CC2D2A: variants seen among roughly 807,000 people sequenced by gnomAD.
CC2D2A encodes the protein coiled-coil and C2 domain containing 2A.
A neutral mutation model predicts 212.9 loss-of-function variants in CC2D2A; 155 were observed. The observed-to-expected ratio is 0.73, with a 90% CI of 0.64 to 0.83. The LOEUF is 0.83. Among genes scored for constraint, CC2D2A ranks in the 40% least tolerant of loss-of-function variants. CC2D2A has a pLI of 0.00. For missense variants in CC2D2A, 1,856 were observed against 1,956.2 expected (o/e 0.95, Z 0.97); for synonymous variants, 667 against 686.5 (o/e 0.97, Z 0.44).
chr4:15,594,632 C>A (rs1721238468), intron 33 of CC2D2A, among the ~76,000 whole-genome samples: 1 of 152,140 alleles, frequency 6.6e-6, no homozygotes, highest in Non-Finnish European at 1.5e-5. Flanking sequence ...TCCCAGTCTA[C>A]TGGCCAAAAG....
chr4:15,599,333 A>G (rs1411609739), intron 35 of CC2D2A, among the ~76,000 whole-genome samples, 196 bp from the exon 36 acceptor site: 1 of 152,134 alleles, frequency 6.6e-6, no homozygotes, highest in Non-Finnish European at 1.5e-5. Flanking sequence ...TACAACCCTT[A>G]AGGACAGGAC....
intron 6 of CC2D2A, 67 bp from the exon 7 acceptor site, chr4:15,510,072 T>C: frequency 1.6e-6 from 2 of 1,236,262 alleles, no homozygotes; most frequent in South Asian, 1.3e-5. Context: ...GGGTTAACCT[T>C]CATTTTAGAA....
At chr4:15,513,755 C>T (rs1716703344) in intron 8 of CC2D2A, among the ~76,000 whole-genome samples, 3 of 152,246 alleles carry the variant, frequency 2.0e-5, no homozygotes, top group Admixed American at 2.0e-4. Flanking sequence ...AGATTACACA[C>T]TGCCATCTGG....
intron 14 of CC2D2A, among the ~76,000 whole-genome samples, chr4:15,533,738 G>A (rs957183550): frequency 1.4e-4 from 21 of 152,270 alleles, no homozygotes; most frequent in African/African-American, 4.8e-4. Context: ...GCTGTAGTTA[G>A]ATTTCTTTGC....
At position 15,553,289 on chromosome 4, in the gene CC2D2A, A is replaced by C; in HGVS notation, c.2470A>C (p.Asn824His). ...TTTAATTCCTCCATTGTCACAGCAG[A>C]ACATCGGATTTCGGAGGTAATACAT... ...IPLIPPLSQQ[N>H]IGFRSALKKA... is the part of the protein sequence containing the mutation. The change falls in exon 19 of 37, where the codon AAC becomes CAC. Residue 824 changes from asparagine to histidine, a missense_variant. Physicochemically the swap from Asn to His is moderately conservative, Grantham distance 68. Transcript: ENST00000424120. 1 of 1,612,970 alleles carries C rather than the reference A, an allele frequency of 6.2e-7. No individual in the cohort carries two copies. The highest frequency in any genetic ancestry group is 8.5e-7 in the Non-Finnish European group (1 of 1,179,508).
At position 15,498,461 on chromosome 4, in the gene CC2D2A, C is replaced by T. The variant is rs575731815; in HGVS notation, c.248-3968C>T. Among the ~76,000 whole-genome samples, 11 of 152,168 alleles carry T rather than the reference C, an allele frequency of 7.2e-5. 1 individual carries two copies. Among genetic ancestry groups the T allele is most frequent in the East Asian group, 1.9e-4 (1 of 5,176 alleles). On this transcript the variant is annotated intron_variant, in intron 4 of 36. Transcript: ENST00000424120. ...GTGTCAAAGGGCCATTTTCTGAATA[C>T]GCCTCTTTTTGTAAATGTGAAATTA...
chr4:15,527,470 T>A lies in CC2D2A; in HGVS notation c.1173T>A (p.Ser391Arg). ...YKKAVKYVHS[S>R]QHVIRSGDPP... is the part of the protein sequence containing the mutation. Reference sequence around the variant, plus strand: ...AGGCTGTAAAATACGTTCACAGTAGTCAGCATGTGATCAGATCTGGAGACC... The same window carrying A: ...AGGCTGTAAAATACGTTCACAGTAGACAGCATGTGATCAGATCTGGAGACC... The change falls in exon 12 of 37, where the codon AGT becomes AGA. Residue 391 changes from serine to arginine, a missense_variant. Coordinates refer to ENST00000424120, the MANE Select transcript of CC2D2A (RefSeq NM_001378615.1). The A allele has an allele frequency of 6.2e-7, 1 of 1,613,436 alleles. No homozygotes were observed. The highest frequency in any genetic ancestry group is 8.5e-7 in the Non-Finnish European group (1 of 1,179,594).
At chr4:15,563,299 C>A in intron 23 of CC2D2A, 56 bp from the exon 24 acceptor site, 1 of 1,503,196 alleles carries the variant, frequency 6.7e-7, no homozygotes, top group South Asian at 1.3e-5. Flanking sequence ...AGTCGTCTCA[C>A]AATTTTGCAG....
chr4:15,596,291 G>A (rs1452604030), intron 34 of CC2D2A, 84 bp downstream of exon 34: 2 of 1,270,678 alleles, frequency 1.6e-6, no homozygotes, highest in Non-Finnish European at 2.1e-6. Flanking sequence ...TTTTACCCCT[G>A]GGTAGTCTAG....
At chr4:15,547,595 A>T (rs1718775915) in intron 17 of CC2D2A, among the ~76,000 whole-genome samples, 2 of 152,208 alleles carry the variant, frequency 1.3e-5, no homozygotes, top group Non-Finnish European at 1.5e-5. Context: ...ACTCACCACA[A>T]CAAAGAATTA....
Position 15,601,524 on chromosome 4 carries a change from AAAT to A in CC2D2A, c.*105_*107del. 1 of 722,910 alleles carries A rather than the reference AAAT, an allele frequency of 1.4e-6. No individual in the cohort carries two copies. 44.8% of individuals were successfully genotyped at this position (722,910 alleles called of 1,614,324 possible). A position where few individuals can be genotyped will look rare whatever the true frequency, so the allele number is the denominator to read the frequency against. On this transcript the variant is annotated 3_prime_UTR_variant, in exon 37 of 37. Coordinates refer to ENST00000424120, the MANE Select transcript of CC2D2A (RefSeq NM_001378615.1). ...CACATCAGAAGAACATATTATTGGC[AAAT>A]AATAAAATTATCAACTGTTTTCAAA...
At chr4:15,472,163 T>C (rs911992586) in intron 1 of CC2D2A, among the ~76,000 whole-genome samples, 4 of 152,288 alleles carry the variant, frequency 2.6e-5, no homozygotes, top group Admixed American at 6.5e-5. Flanking sequence ...CACAGAGTCT[T>C]GGGATCAAGT....
chr4:15,500,684 T>C (rs73235021), intron 4 of CC2D2A, among the ~76,000 whole-genome samples: 10,997 of 152,214 alleles, frequency 0.072, 444 homozygotes, highest in Admixed American at 0.097. Context: ...AGAAATGGGC[T>C]TTGAGGCTGG....
Position 15,514,879 on chromosome 4 carries a change from C to T in CC2D2A, c.880+10C>T, listed in dbSNP as rs1219667032. ...CCCAGTAGGCAGACAGGTACTTGCT[C>T]TTTTTATTTTCTTGTTCAGCTTAGA... On this transcript the variant is annotated intron_variant, in intron 9 of 36. Coordinates refer to ENST00000424120, the MANE Select transcript of CC2D2A (RefSeq NM_001378615.1). The T allele has an allele frequency of 1.1e-5, 17 of 1,612,306 alleles. No homozygotes were observed. Among genetic ancestry groups the T allele is most frequent in the Non-Finnish European group, 1.4e-5 (17 of 1,178,814 alleles).
chr4:15,517,970 G>A (rs530429350), intron 11 of CC2D2A, among the ~76,000 whole-genome samples: 1 of 152,064 alleles, frequency 6.6e-6, no homozygotes, highest in Non-Finnish European at 1.5e-5. Context: ...GAACAGTGCA[G>A]GAAAGACCCA....
At chr4:15,592,375 C>T (rs960012656) in intron 33 of CC2D2A, among the ~76,000 whole-genome samples, 2 of 152,164 alleles carry the variant, frequency 1.3e-5, no homozygotes, top group African/African-American at 4.8e-5. Context: ...ACACTCAGAC[C>T]TTAACCTACT....
intron 11 of CC2D2A, among the ~76,000 whole-genome samples, chr4:15,522,110 A>T (rs905863097): frequency 6.6e-6 from 1 of 152,200 alleles, no homozygotes; most frequent in South Asian, 2.1e-4. Flanking sequence ...CTGAAGCAGG[A>T]GGATCACTTG....
At position 15,559,469 on chromosome 4, in the gene CC2D2A, C is replaced by A. The variant is rs17385951; in HGVS notation, c.2922+212C>A. On this transcript the variant is annotated intron_variant, in intron 22 of 36. Transcript: ENST00000424120. ...ACCAGGCTATGTTCTGGTTTATTAT[C>A]AGCAGTTACCTTTTAATGGGTCATG... Among the ~76,000 whole-genome samples the A allele has an allele frequency of 0.089, 13,533 of 152,196 alleles. 766 individuals are homozygous for A. Among genetic ancestry groups the A allele is most frequent in the Non-Finnish European group, 0.12 (8,487 of 68,000 alleles).
At chr4:15,578,838 C>T (rs958674037) in intron 29 of CC2D2A, among the ~76,000 whole-genome samples, 1 of 151,440 alleles carries the variant, frequency 6.6e-6, no homozygotes, top group Non-Finnish European at 1.5e-5. Context: ...GACAGGGTCC[C>T]ATTATGTTGC....
Sources: gnomAD v4.1 joint callset for allele counts (sites outside exome capture counted in the v4.1 genomes callset) on GRCh38, gnomAD v4.1.1 for gene constraint, MANE v1.5 for transcripts, NCBI Gene and HGNC (gene_info 2026-07-23, HGNC 2026-07-21) for gene names.